The following ZNF831 variants were observed in gnomAD, a reference collection of about 807,000 sequenced individuals.
ZNF831 encodes zinc finger protein 831.
In ZNF831, 59 loss-of-function variants were observed where a neutral mutation model predicts 95.8. The observed-to-expected ratio is 0.62, with a 90% CI of 0.50 to 0.77. ZNF831 has a LOEUF of 0.77. ZNF831 is among the 30% of genes least tolerant of loss of function. ZNF831 has a pLI of 0.00. For synonymous variants in ZNF831, 961 were observed against 925.5 expected (o/e 1.04, Z -0.70); for missense variants, 2,205 against 2,164.0 (o/e 1.02, Z -0.38).
At chr20:59,226,920 C>G (rs1279236715) in intron 4 of ZNF831, among the ~76,000 whole-genome samples, 4 of 152,210 alleles carry the variant, frequency 2.6e-5, no homozygotes, top group South Asian at 4.2e-4. Flanking sequence ...CTATCCATAG[C>G]CATAAGCACC....
At chr20:59,141,960 A>G (rs1209816388) in intron 1 of ZNF831, among the ~76,000 whole-genome samples, 2 of 152,158 alleles carry the variant, frequency 1.3e-5, no homozygotes, top group East Asian at 3.9e-4. Context: ...TCTGTGGTGA[A>G]CGGCTGGCTC....
chr20:59,150,170 G>A (rs1261641866), intron 2 of ZNF831, among the ~76,000 whole-genome samples: 1 of 152,184 alleles, frequency 6.6e-6, no homozygotes. Flanking sequence ...GGAAACACAT[G>A]TTCTCTCTCT....
At chr20:59,181,049 T>A (rs1982577492) in intron 1 of ZNF831, among the ~76,000 whole-genome samples, 1 of 152,252 alleles carries the variant, frequency 6.6e-6, no homozygotes, top group Non-Finnish European at 1.5e-5. Context: ...GTTTCCTGAC[T>A]TTTTAATAAT....
Position 59,192,899 on chromosome 20 carries a change from C to T in ZNF831, c.1880C>T (p.Thr627Met), listed in dbSNP as rs753542321. The change falls in exon 2 of 6, where the codon ACG (threonine) becomes ATG (methionine). Residue 627 changes from threonine to methionine, a missense_variant. Coordinates refer to ENST00000371030, the MANE Select transcript of ZNF831 (RefSeq NM_178457.3). The surrounding 1 kb of genome is among the most constrained non-coding windows in gnomAD (Gnocchi z 5.2). ...AAGTGGCAGGTGTACGGGGATGAGA[C>T]GTTCAAAAGGATCTACCAGAAAATG... Reference protein sequence around the residue: ...QEKWQVYGDETFKRIYQKMKA... With the variant: ...QEKWQVYGDEMFKRIYQKMKA... 1.3e-6 allele frequency: 2 copies of T among 1,595,358 alleles called. No individual in the cohort carries two copies. Among genetic ancestry groups the T allele is most frequent in the Non-Finnish European group, 8.5e-7 (1 of 1,172,080 alleles).
At chr20:59,226,348 G>T (rs1986431666) in intron 4 of ZNF831, among the ~76,000 whole-genome samples, 1 of 152,000 alleles carries the variant, frequency 6.6e-6, no homozygotes, top group African/African-American at 2.4e-5. Flanking sequence ...TGTTGGTAGT[G>T]GATGCTGTTG....
chr20:59,249,702 G>A lies in ZNF831; in HGVS notation c.4028-3276G>A, dbSNP rs534916517. On this transcript the variant is annotated intron_variant, in intron 4 of 5. Transcript: ENST00000371030. ...TTTCCCAAACTGTGCACTTCTCTAC[G>A]GATTTTCAAAGTTGATTTGCTCAGG... Among the ~76,000 whole-genome samples, 7 of 152,116 alleles carry A rather than the reference G, an allele frequency of 4.6e-5. No homozygotes were observed. In the East Asian group the frequency reaches 1.2e-3, roughly 25 times the overall value.
At chr20:59,145,934 A>G (rs1979836293) in intron 1 of ZNF831, among the ~76,000 whole-genome samples, 1 of 151,834 alleles carries the variant, frequency 6.6e-6, no homozygotes, top group Non-Finnish European at 1.5e-5. Context: ...CAGGAAGAGA[A>G]AGGAGAACAG....
At chr20:59,225,235 C>A (rs1043808531) in intron 4 of ZNF831, among the ~76,000 whole-genome samples, 1 of 152,176 alleles carries the variant, frequency 6.6e-6, no homozygotes, top group African/African-American at 2.4e-5. Context: ...CTCTGGAAGT[C>A]TCCTTGAAGA....
Position 59,230,258 on chromosome 20 carries a change from G to A in ZNF831, c.4028-22720G>A, listed in dbSNP as rs565525460. 7.2e-5 allele frequency among the ~76,000 whole-genome samples: 11 copies of A among 152,162 alleles called. No individual in the cohort carries two copies. In the South Asian group the frequency reaches 1.7e-3, roughly 23 times the overall value. On this transcript the variant is annotated intron_variant, in intron 4 of 5. Coordinates refer to ENST00000371030, the MANE Select transcript of ZNF831 (RefSeq NM_178457.3). ...TCGCAACTATTCAATACCATTGTGG[G>A]GAGAAAACAGCTACAGACAAAAATG...
intron 1 of ZNF831, among the ~76,000 whole-genome samples, chr20:59,166,111 T>A (rs986152431): frequency 4.6e-5 from 7 of 152,166 alleles, no homozygotes. Flanking sequence ...TTTCCAGATA[T>A]GGTAAATGGT....
chr20:59,124,363 C>T (rs1010027970), intron 1 of ZNF831, among the ~76,000 whole-genome samples: 4 of 152,156 alleles, frequency 2.6e-5, no homozygotes, highest in Non-Finnish European at 5.9e-5. Flanking sequence ...TTGAACAAAA[C>T]TGTCACCTCT....
upstream of ZNF831, among the ~76,000 whole-genome samples, chr20:59,159,074 A>G (rs1488456250): frequency 6.6e-6 from 1 of 152,204 alleles, no homozygotes; most frequent in Non-Finnish European, 1.5e-5. Context: ...AAAAAATATC[A>G]CATCAATTAT....
At chr20:59,241,005 T>C (rs259967) in intron 4 of ZNF831, among the ~76,000 whole-genome samples, 91,223 of 151,762 alleles carry the variant, frequency 0.6, 28,274 homozygotes, top group East Asian at 0.87. Context: ...GAGATGCTAC[T>C]GTGCGTCTAG....
chr20:59,253,869 C>CCTTTTT, intron 5 of ZNF831, 29 bp from the exon 6 acceptor site: 6 of 1,067,552 alleles, frequency 5.6e-6, no homozygotes, highest in Admixed American at 2.6e-5. Context: ...TCCCCCCCCA[C>CCTTTTT]TTTTTTTTTC....
chr20:59,123,868 A>C (rs777827685), intron 1 of ZNF831, among the ~76,000 whole-genome samples: 3 of 152,212 alleles, frequency 2.0e-5, no homozygotes, highest in African/African-American at 7.2e-5. Flanking sequence ...CCAATCAGGC[A>C]TCTCATCCAC....
intron 1 of ZNF831, among the ~76,000 whole-genome samples, chr20:59,139,768 G>A (rs931395937): frequency 5.3e-5 from 8 of 152,276 alleles, no homozygotes; most frequent in African/African-American, 1.9e-4. Flanking sequence ...CAGCACTCTT[G>A]ACTTTCAATC....
intron 2 of ZNF831, among the ~76,000 whole-genome samples, chr20:59,147,274 G>A (rs1399232323): frequency 6.6e-6 from 1 of 152,208 alleles, no homozygotes; most frequent in Non-Finnish European, 1.5e-5. Context: ...ATTTTGCCTG[G>A]CATTAATTAA....
chr20:59,181,271 A>G (rs1292462464), intron 1 of ZNF831, among the ~76,000 whole-genome samples: 1 of 152,250 alleles, frequency 6.6e-6, no homozygotes. Context: ...TCTAGATATT[A>G]GACCTTTGTC....
At chr20:59,197,941 C>T (rs1360611570) in intron 3 of ZNF831, among the ~76,000 whole-genome samples, 1 of 152,182 alleles carries the variant, frequency 6.6e-6, no homozygotes, top group Non-Finnish European at 1.5e-5. Context: ...TGCTCAGTTA[C>T]ATGTGACTGA....
Sources: gnomAD v4.1 joint callset for allele counts (sites outside exome capture counted in the v4.1 genomes callset) on GRCh38, gnomAD v4.1.1 for gene constraint, Gnocchi (gnomAD v3.1) non-coding constraint, MANE v1.5 for transcripts, NCBI Gene and HGNC (gene_info 2026-07-23, HGNC 2026-07-21) for gene names.